The following ATP8B4 variants were observed in gnomAD, a reference collection of about 807,000 sequenced individuals.
The protein encoded by ATP8B4 is probable phospholipid-transporting ATPase IM.
In ATP8B4, 133 loss-of-function variants were observed where a neutral mutation model predicts 145.6. The ratio of observed to expected loss-of-function variants is 0.91; its 90% confidence interval spans 0.79 to 1.05. The LOEUF is 1.05. Ranked by LOEUF, ATP8B4 falls within the 50% of genes least tolerant of loss-of-function variation. The pLI is 0.00. For synonymous variants in ATP8B4, 507 were observed against 492.9 expected, an observed-to-expected ratio of 1.03 and a Z score of -0.38; for missense variants, 1,458 against 1,425.2, an observed-to-expected ratio of 1.02 and a Z score of -0.37.
At chr15:50,108,186 T>C (rs942454371) in intron 1 of ATP8B4, among the ~76,000 whole-genome samples, 1 of 151,432 alleles carries the variant, frequency 6.6e-6, no homozygotes, top group Non-Finnish European at 1.5e-5. Context: ...CCCAAGACCA[T>C]CCCTCCTAGC....
At chr15:49,987,367 C>A in intron 10 of ATP8B4, 24 bp downstream of exon 10, 1 of 1,609,552 alleles carries the variant, frequency 6.2e-7, no homozygotes, top group Non-Finnish European at 8.5e-7. Flanking sequence ...TCCCACAGAG[C>A]TGGCCTTGGG....
At chr15:49,870,631 C>T (rs1216331399) in intron 25 of ATP8B4, among the ~76,000 whole-genome samples, 1 of 152,084 alleles carries the variant, frequency 6.6e-6, no homozygotes, top group African/African-American at 2.4e-5. Context: ...TCAAAGTGAG[C>T]TTATTCACAG....
intron 2 of ATP8B4, among the ~76,000 whole-genome samples, chr15:50,078,676 T>C (rs1288729548): frequency 6.6e-6 from 1 of 151,630 alleles, no homozygotes; most frequent in African/African-American, 2.4e-5. Context: ...CAAGTACCAA[T>C]CAGGATGAAT....
intron 6 of ATP8B4, among the ~76,000 whole-genome samples, chr15:50,021,475 G>A (rs1020774582): frequency 5.9e-5 from 9 of 152,106 alleles, no homozygotes; most frequent in Non-Finnish European, 2.9e-5. Flanking sequence ...AGCCACAGTA[G>A]ACATCTTACT....
chr15:50,134,394 G>A (rs1364727380), intron 1 of ATP8B4, among the ~76,000 whole-genome samples: 2 of 152,132 alleles, frequency 1.3e-5, no homozygotes. Context: ...CAGACTTTGG[G>A]GAAGAGAAAG....
chr15:49,922,261 C>T (rs1363262140), intron 17 of ATP8B4: 2 of 193,742 alleles, frequency 1.0e-5, no homozygotes, highest in African/African-American at 4.8e-5. Flanking sequence ...TGTAAAAAGA[C>T]CAAATTAGGT....
At chr15:49,995,113 CT>C (rs1378660798) in intron 9 of ATP8B4, among the ~76,000 whole-genome samples, 1 of 152,082 alleles carries the variant, frequency 6.6e-6, no homozygotes, top group African/African-American at 2.4e-5. Flanking sequence ...ATAGTGTAGC[CT>C]ATCTGAGCAA....
intron 14 of ATP8B4, among the ~76,000 whole-genome samples, chr15:49,952,478 A>G (rs12907398): frequency 0.39 from 59,406 of 151,846 alleles, 12,345 homozygotes; most frequent in African/African-American, 0.47. Flanking sequence ...TCTTCTGTTT[A>G]GTCAATTCGG....
chr15:50,140,642 C>G (rs1319208670), intron 1 of ATP8B4, among the ~76,000 whole-genome samples: 1 of 115,542 alleles, frequency 8.7e-6, no homozygotes, highest in Non-Finnish European at 1.8e-5. Flanking sequence ...GTTCTAATTC[C>G]TGGATTCAAA....
At chr15:49,969,907 C>G (rs2044933266) in intron 13 of ATP8B4, among the ~76,000 whole-genome samples, 1 of 152,206 alleles carries the variant, frequency 6.6e-6, no homozygotes, top group African/African-American at 2.4e-5. Context: ...AGCAGCACTT[C>G]AAAAAGCTTA....
rs1195204159 is a variant in ATP8B4 at position 50,073,001 on chromosome 15, TATATATATATATATATATACACAC to T, written c.87+1102_87+1125del. On this transcript the variant is annotated intron_variant, in intron 3 of 27. Transcript: ENST00000284509. The stretch of plus-strand genomic sequence containing the variant: ...CTCTCTATATATATATATATATATA[TATATATATATATATATATACACAC>T]ACACACACACACACACACACACACA... Among the ~76,000 whole-genome samples the T allele has an allele frequency of 2.5e-4, 14 of 56,750 alleles. 1 individual carries two copies. In the East Asian group the frequency reaches 3.9e-3, roughly 16 times the overall value. The allele number at this position is 56,750 out of a possible 152,430, so 37.2% of individuals were successfully genotyped here. A position where few individuals can be genotyped will look rare whatever the true frequency, so the allele number is the denominator to read the frequency against.
At chr15:50,101,763 A>G (rs570350243) in intron 2 of ATP8B4, among the ~76,000 whole-genome samples, 1 of 152,282 alleles carries the variant, frequency 6.6e-6, no homozygotes, top group Non-Finnish European at 1.5e-5. Context: ...TTTACAGAAC[A>G]TTCTACCCAA....
chr15:49,867,728 G>C (rs978532577), intron 25 of ATP8B4, among the ~76,000 whole-genome samples: 3 of 152,108 alleles, frequency 2.0e-5, no homozygotes, highest in African/African-American at 7.2e-5. Context: ...TAATAGAAGA[G>C]ACAGACAAGC....
At position 49,934,192 on chromosome 15, in the gene ATP8B4, A is replaced by G. The variant is rs2041531766; in HGVS notation, c.1288-10T>C. On this transcript the variant is annotated splice_polypyrimidine_tract_variant and intron_variant, in intron 14 of 27. Coordinates refer to ENST00000284509, the MANE Select transcript of ATP8B4 (RefSeq NM_024837.4). Reference sequence around the variant, plus strand: ...CCACAGGCTCTTTTTCCTGTAGGAGAACAACAACAACAAAAATAACCAAAA... The same window carrying G: ...CCACAGGCTCTTTTTCCTGTAGGAGGACAACAACAACAAAAATAACCAAAA... 1 of 1,580,748 alleles carries G rather than the reference A, an allele frequency of 6.3e-7. No homozygotes were observed. Among genetic ancestry groups the G allele is most frequent in the South Asian group, 1.2e-5 (1 of 85,644 alleles).
At chr15:50,072,841 C>G (rs2053832015) in intron 3 of ATP8B4, among the ~76,000 whole-genome samples, 1 of 148,490 alleles carries the variant, frequency 6.7e-6, no homozygotes, top group African/African-American at 2.5e-5. Flanking sequence ...AGGCTGGTCT[C>G]GAACCCCTGA....
At chr15:50,036,228 G>C (rs1024874601) in intron 6 of ATP8B4, among the ~76,000 whole-genome samples, 18 of 152,104 alleles carry the variant, frequency 1.2e-4, no homozygotes, top group African/African-American at 4.1e-4. Flanking sequence ...AGAGGAAAGG[G>C]GAAGAAGCCA....
intron 1 of ATP8B4, among the ~76,000 whole-genome samples, chr15:50,131,660 A>T (rs1311213505): frequency 6.6e-6 from 1 of 151,852 alleles, no homozygotes; most frequent in East Asian, 1.9e-4. Flanking sequence ...CAAATGTTTA[A>T]CACTAATATA....
intron 23 of ATP8B4, among the ~76,000 whole-genome samples, chr15:49,884,157 A>G (rs1433143680): frequency 3.3e-5 from 5 of 152,158 alleles, no homozygotes; most frequent in African/African-American, 1.2e-4. Flanking sequence ...CATTCCTAAG[A>G]TAATAAATAT....
At position 49,979,806 on chromosome 15, in the gene ATP8B4, C is replaced by G. The variant is rs774241042; in HGVS notation, c.845G>C (p.Gly282Ala). ...AATAATTCCCAAGCATATCAGAAAC[C>G]CAAAAATCTGAAATAAGATAGAAGT... ...LMNTLVLWIF[G>A]FLICLGIILA... Residue 282 changes from glycine to alanine, a missense_variant, in exon 12 of 28, where the codon GGG becomes GCG. Transcript: ENST00000284509. The G allele has an allele frequency of 5.8e-5, 92 of 1,576,324 alleles. No individual in the cohort carries two copies. The highest frequency in any genetic ancestry group is 7.2e-5 in the Non-Finnish European group (83 of 1,156,490).
Sources: gnomAD v4.1 joint callset for allele counts (sites outside exome capture counted in the v4.1 genomes callset) on GRCh38, gnomAD v4.1.1 for gene constraint, MANE v1.5 for transcripts, NCBI Gene and HGNC (gene_info 2026-07-23, HGNC 2026-07-21) for gene names.